Variants in ART3 observed in about 807,000 individuals in gnomAD.
The protein encoded by ART3 is ecto-ADP-ribosyltransferase 3.
A neutral mutation model predicts 48.5 loss-of-function variants in ART3; 49 were observed. That is an observed-to-expected ratio of 1.01 (90% CI 0.80 to 1.28). The LOEUF (loss-of-function observed/expected upper bound fraction) is 1.28. Among genes scored for constraint, ART3 ranks in the 50% most tolerant of loss-of-function variants. The pLI is 0.00. For synonymous variants in ART3, 145 were observed against 157.2 expected, an observed-to-expected ratio of 0.92 and a Z score of 0.58; for missense variants, 438 against 454.3, an observed-to-expected ratio of 0.96 and a Z score of 0.33.
chr4:76,106,736 C>T lies in ART3; in HGVS notation c.1004-1025C>T, dbSNP rs186473624. On this transcript the variant is annotated intron_variant, in intron 10 of 11. Transcript: ENST00000355810. Reference sequence around the variant, plus strand: ...GTTTGGGAGTTACTCAAGAGACTTCCCCCCCACCTCCCTTTGTGCCCGAGC... The same window carrying T: ...GTTTGGGAGTTACTCAAGAGACTTCTCCCCCACCTCCCTTTGTGCCCGAGC... Among the ~76,000 whole-genome samples the T allele has an allele frequency of 8.4e-4, 128 of 152,190 alleles. 1 individual carries two copies. Among genetic ancestry groups the T allele is most frequent in the African/African-American group, 3.0e-3 (123 of 41,516 alleles).
At chr4:76,044,629 C>G (rs1735317032) in intron 1 of ART3, among the ~76,000 whole-genome samples, 1 of 151,598 alleles carries the variant, frequency 6.6e-6, no homozygotes, top group Non-Finnish European at 1.5e-5. Flanking sequence ...TTAACTCTCT[C>G]TTTGACTTTC....
At chr4:76,096,727 C>T (rs940644479) in intron 3 of ART3, among the ~76,000 whole-genome samples, 3 of 152,204 alleles carry the variant, frequency 2.0e-5, no homozygotes, top group Non-Finnish European at 4.4e-5. Flanking sequence ...AGGGCATCAC[C>T]AGTGAGAGCA....
chr4:76,057,289 A>C (rs926769315), intron 1 of ART3, among the ~76,000 whole-genome samples: 1 of 152,174 alleles, frequency 6.6e-6, no homozygotes, highest in African/African-American at 2.4e-5. Context: ...TCTGACAGGA[A>C]CCTAGGAAAA....
upstream of ART3, chr4:76,074,672 G>C (rs1397465355): frequency 6.6e-6 from 1 of 152,122 alleles, no homozygotes; most frequent in African/African-American, 2.4e-5. Context: ...GCTACTGCTG[G>C]GGGTGTTTAT....
At chr4:76,037,515 T>G (rs1406771051) in intron 1 of ART3, among the ~76,000 whole-genome samples, 2 of 152,146 alleles carry the variant, frequency 1.3e-5, no homozygotes, top group Non-Finnish European at 2.9e-5. Flanking sequence ...GTCACCATTC[T>G]GGAGTCGAGT....
rs555172562 is a variant in ART3, at chr4:76,032,607, G to A, written c.-10+21287G>A. ...TTTTTTTTTTTTTTTTTTTTGAGGTGCAGTTTCACTCTTGTTGCCCAAGCT... is the reference window on the plus strand; with the variant it reads ...TTTTTTTTTTTTTTTTTTTTGAGGTACAGTTTCACTCTTGTTGCCCAAGCT... On this transcript the variant is annotated intron_variant, in intron 1 of 9. Coordinates refer to the ART3 transcript ENST00000341029. 1.5e-3 allele frequency among the ~76,000 whole-genome samples: 205 copies of A among 137,890 alleles called. 3 individuals are homozygous for A. The East Asian group carries it at 0.036, about 24-fold the overall frequency. 90.5% of individuals were successfully genotyped at this position (137,890 alleles called of 152,430 possible). A position where few individuals can be genotyped will look rare whatever the true frequency, so the allele number is the denominator to read the frequency against.
At chr4:76,055,537 T>G (rs2149467779) in intron 1 of ART3, among the ~76,000 whole-genome samples, 1 of 152,228 alleles carries the variant, frequency 6.6e-6, no homozygotes, top group South Asian at 2.1e-4. Flanking sequence ...ACACAAGAAT[T>G]CCTTTCTGAG....
chr4:76,017,969 T>C (rs1257230804), intron 1 of ART3, among the ~76,000 whole-genome samples: 1 of 152,264 alleles, frequency 6.6e-6, no homozygotes, highest in Non-Finnish European at 1.5e-5. Context: ...CCATCTTTCC[T>C]ACCTGGTTTT....
intron 1 of ART3, among the ~76,000 whole-genome samples, chr4:76,058,329 A>C (rs755113531): frequency 5.3e-5 from 8 of 152,206 alleles, no homozygotes; most frequent in Non-Finnish European, 8.8e-5. Context: ...TATACATTAG[A>C]CCTTTGACAG....
At chr4:76,019,277 G>T (rs1288468905) in intron 1 of ART3, among the ~76,000 whole-genome samples, 2 of 151,496 alleles carry the variant, frequency 1.3e-5, no homozygotes, top group Non-Finnish European at 2.9e-5. Flanking sequence ...GCTTGTATTG[G>T]CTAGGGAGAG....
intron 3 of ART3, among the ~76,000 whole-genome samples, chr4:76,090,167 G>T (rs1001763395): frequency 2.0e-5 from 3 of 152,204 alleles, no homozygotes; most frequent in African/African-American, 7.2e-5. Flanking sequence ...CTAATGGCAG[G>T]TCAGCCACAT....
chr4:76,094,415 T>C (rs915999198), intron 3 of ART3, among the ~76,000 whole-genome samples: 2 of 152,240 alleles, frequency 1.3e-5, no homozygotes, highest in Non-Finnish European at 2.9e-5. Flanking sequence ...TGGTAGTTTT[T>C]GATTGGGTGC....
chr4:76,086,601 T>C (rs1264613313), intron 3 of ART3, among the ~76,000 whole-genome samples: 1 of 152,224 alleles, frequency 6.6e-6, no homozygotes, highest in African/African-American at 2.4e-5. Context: ...ATTTTAGCTC[T>C]CTTGCTACAT....
chr4:76,110,460 T>A (rs1729272093), intron 11 of ART3, among the ~76,000 whole-genome samples: 1 of 152,294 alleles, frequency 6.6e-6, no homozygotes, highest in African/African-American at 2.4e-5. Flanking sequence ...CCCCAAAGGA[T>A]ACTGAGGGAT....
chr4:76,085,313 T>TA (rs1723321969), intron 3 of ART3, among the ~76,000 whole-genome samples: 1 of 152,024 alleles, frequency 6.6e-6, no homozygotes, highest in Non-Finnish European at 1.5e-5. Flanking sequence ...TACTATGAGA[T>TA]AAAAAAGGCT....
At chr4:76,073,959 G>T (rs1415284871), upstream of ART3, among the ~76,000 whole-genome samples, 2 of 152,152 alleles carry the variant, frequency 1.3e-5, no homozygotes, top group East Asian at 3.8e-4. Flanking sequence ...TTTCCAGTTT[G>T]GGGGTTATTA....
At chr4:76,086,171 G>T (rs989829610) in intron 3 of ART3, among the ~76,000 whole-genome samples, 1 of 151,006 alleles carries the variant, frequency 6.6e-6, no homozygotes, top group African/African-American at 2.4e-5. Context: ...AAAGATATCT[G>T]CACTCTCATG....
intron 10 of ART3, chr4:76,106,495 G>A (rs1728500013): frequency 5.5e-6 from 2 of 360,794 alleles, no homozygotes; most frequent in Admixed American, 6.4e-5. Flanking sequence ...AGGATTTAGG[G>A]TGGGAGAGTT....
rs960139303 is a variant in ART3 at position 76,100,692 on chromosome 4, G to A, written c.878-103G>A. The A allele has an allele frequency of 4.5e-6, 6 of 1,346,706 alleles. No homozygotes were observed. The Admixed American group carries it at 1.0e-4, about 23-fold the overall frequency. The allele number at this position is 1,346,706 out of a possible 1,614,324, so 83.4% of individuals were successfully genotyped here. ...TGCAAGATACCTCCCTTTACAGGTG[G>A]GAATATTTTCATATTTCTTGCAAAT... On this transcript the variant is annotated intron_variant, in intron 6 of 11. Coordinates refer to ENST00000355810, the MANE Select transcript of ART3 (RefSeq NM_001130016.3).
Sources: allele counts gnomAD v4.1 joint callset (sites outside exome capture counted in the v4.1 genomes callset), GRCh38; gene constraint gnomAD v4.1.1; transcripts MANE v1.5; gene names NCBI Gene and HGNC (gene_info 2026-07-23, HGNC 2026-07-21).